The following LDLRAD3 variants were observed in gnomAD, a reference collection of about 807,000 sequenced individuals.
The protein encoded by LDLRAD3 is low density lipoprotein receptor class A domain containing 3.
LDLRAD3 carries 20 observed loss-of-function variants against 29.4 expected under a neutral mutation model. The observed-to-expected ratio is 0.68, with a 90% CI of 0.48 to 0.99. The LOEUF is 0.99. Among genes scored for constraint, LDLRAD3 ranks in the 50% least tolerant of loss-of-function variants. LDLRAD3 has a pLI of 0.00. For missense variants in LDLRAD3, 420 were observed against 454.3 expected (o/e 0.92, Z 0.69); for synonymous variants, 157 against 192.7 (o/e 0.81, Z 1.53).
At chr11:35,951,339 G>A (rs1308381469) in intron 1 of LDLRAD3, among the ~76,000 whole-genome samples, 2 of 152,044 alleles carry the variant, frequency 1.3e-5, no homozygotes, top group Non-Finnish European at 1.5e-5. Context: ...GTCTCTATTT[G>A]TAGTTTTTTG....
At chr11:36,111,047 G>T (rs915026320) in intron 4 of LDLRAD3, among the ~76,000 whole-genome samples, 2 of 152,162 alleles carry the variant, frequency 1.3e-5, no homozygotes, top group Non-Finnish European at 2.9e-5. Context: ...AGTGGGAGAC[G>T]TGAAACTGTT....
At chr11:35,969,940 C>T (rs182455404) in intron 1 of LDLRAD3, among the ~76,000 whole-genome samples, 6 of 152,230 alleles carry the variant, frequency 3.9e-5, no homozygotes, top group Admixed American at 1.3e-4. Flanking sequence ...ATGAGGATAC[C>T]GGCTTATTTG....
intron 4 of LDLRAD3, among the ~76,000 whole-genome samples, chr11:36,171,855 G>A: frequency 6.6e-6 from 1 of 152,024 alleles, no homozygotes; most frequent in East Asian, 1.9e-4. Flanking sequence ...CTAGTTCTTT[G>A]AAGAATTATG....
chr11:36,072,488 A>G (rs973470627), intron 2 of LDLRAD3, among the ~76,000 whole-genome samples: 1 of 152,178 alleles, frequency 6.6e-6, no homozygotes, highest in African/African-American at 2.4e-5. Context: ...AGCCTTCTAT[A>G]CAAGGCCTGG....
rs369177584 is a variant in LDLRAD3, at chr11:36,081,188, T to C, written c.194-465T>C. ...TTTGTTACCTCTTTTCTGCCCATCATCCCATTGGGTGATTGCTGGGTGGAT... is the reference window on the plus strand; with the variant it reads ...TTTGTTACCTCTTTTCTGCCCATCACCCCATTGGGTGATTGCTGGGTGGAT... On this transcript the variant is annotated intron_variant, in intron 2 of 5. Coordinates refer to ENST00000315571, the MANE Select transcript of LDLRAD3 (RefSeq NM_174902.4). Among the ~76,000 whole-genome samples the C allele has an allele frequency of 1.2e-4, 19 of 152,272 alleles. No homozygotes were observed. The South Asian group carries it at 3.7e-3, about 30-fold the overall frequency.
At chr11:36,228,656 T>G (rs898830256) in intron 5 of LDLRAD3, among the ~76,000 whole-genome samples, 1 of 152,248 alleles carries the variant, frequency 6.6e-6, no homozygotes, top group African/African-American at 2.4e-5. Flanking sequence ...ATAAAATGTC[T>G]TTTCTGTTAA....
chr11:36,024,210 A>T (rs550009688), intron 1 of LDLRAD3, among the ~76,000 whole-genome samples: 1 of 152,182 alleles, frequency 6.6e-6, no homozygotes, highest in African/African-American at 2.4e-5. Context: ...AAGGAGTAAC[A>T]TATACTAGTA....
intron 1 of LDLRAD3, among the ~76,000 whole-genome samples, chr11:35,959,020 C>T (rs1019505019): frequency 5.9e-5 from 9 of 152,162 alleles, no homozygotes; most frequent in African/African-American, 1.4e-4. Flanking sequence ...CCTTGCCACA[C>T]GGGTGAACTG....
intron 4 of LDLRAD3, among the ~76,000 whole-genome samples, chr11:36,185,831 A>G (rs922260587): frequency 3.3e-5 from 5 of 152,260 alleles, no homozygotes; most frequent in African/African-American, 9.6e-5. Flanking sequence ...ACCTCTGGCT[A>G]TAAAGCACTG....
chr11:35,998,545 A>G lies in LDLRAD3; in HGVS notation c.47-37558A>G, dbSNP rs371028179. On this transcript the variant is annotated intron_variant, in intron 1 of 5. Coordinates refer to ENST00000315571, the MANE Select transcript of LDLRAD3 (RefSeq NM_174902.4). Reference sequence around the variant, plus strand: ...AAACAAACAAACAATCAAACAACAAAACAAAAAACAGTCCTAGAATGAACC... The same window carrying G: ...AAACAAACAAACAATCAAACAACAAGACAAAAAACAGTCCTAGAATGAACC... Among the ~76,000 whole-genome samples, 9 of 152,312 alleles carry G rather than the reference A, an allele frequency of 5.9e-5. No homozygotes were observed. In the South Asian group the frequency reaches 1.9e-3, roughly 32 times the overall value.
In LDLRAD3 at chr11:36,034,619, G is replaced by A. The variant is rs146579392; in HGVS notation, c.47-1484G>A. 9.8e-5 allele frequency among the ~76,000 whole-genome samples: 15 copies of A among 152,312 alleles called. No individual in the cohort carries two copies. In the East Asian group the frequency reaches 1.7e-3, roughly 18 times the overall value. On this transcript the variant is annotated intron_variant, in intron 1 of 5. Coordinates refer to ENST00000315571, the MANE Select transcript of LDLRAD3 (RefSeq NM_174902.4). Reference sequence around the variant, plus strand: ...AAGGGAAATTCCATGCAACAAGGCCGGTGGGGTGTTGCTTGCCTGTGACGG... The same window carrying A: ...AAGGGAAATTCCATGCAACAAGGCCAGTGGGGTGTTGCTTGCCTGTGACGG...
intron 4 of LDLRAD3, among the ~76,000 whole-genome samples, chr11:36,147,087 C>A (rs982160730): frequency 2.1e-5 from 3 of 141,718 alleles, no homozygotes; most frequent in African/African-American, 7.8e-5. Flanking sequence ...CATGACTGGC[C>A]CCCATATTTA....
intron 1 of LDLRAD3, among the ~76,000 whole-genome samples, chr11:36,026,043 G>A (rs912707424): frequency 6.6e-6 from 1 of 151,966 alleles, no homozygotes; most frequent in Non-Finnish European, 1.5e-5. Context: ...GCCTCCCAAA[G>A]TGCTGGGATT....
intron 4 of LDLRAD3, among the ~76,000 whole-genome samples, chr11:36,181,297 C>T (rs892568610): frequency 1.8e-4 from 27 of 152,008 alleles, no homozygotes; most frequent in African/African-American, 6.5e-4. Flanking sequence ...CTCACTACCC[C>T]TGCTTATTGT....
intron 4 of LDLRAD3, among the ~76,000 whole-genome samples, chr11:36,188,644 G>A (rs1021197433): frequency 5.3e-5 from 8 of 152,130 alleles, no homozygotes; most frequent in Admixed American, 6.5e-5. Context: ...ACAGCCTAGC[G>A]ACTGCCCCTC....
chr11:36,066,643 CT>C (rs975520422), intron 2 of LDLRAD3, among the ~76,000 whole-genome samples: 1 of 151,912 alleles, frequency 6.6e-6, no homozygotes, highest in African/African-American at 2.4e-5. Context: ...GAAATTTTGC[CT>C]TTTTTTTCCT....
chr11:36,173,698 A>G (rs1306026353), intron 4 of LDLRAD3, among the ~76,000 whole-genome samples: 1 of 152,146 alleles, frequency 6.6e-6, no homozygotes, highest in East Asian at 1.9e-4. Context: ...TTGGGTATAT[A>G]CCCAGTAATG....
At chr11:36,118,470 C>T (rs906408043) in intron 4 of LDLRAD3, among the ~76,000 whole-genome samples, 22 of 150,952 alleles carry the variant, frequency 1.5e-4, no homozygotes, top group African/African-American at 5.3e-4. Flanking sequence ...CACATGTCTC[C>T]AAACAGAAGT....
chr11:36,193,852 C>G (rs920330581), intron 4 of LDLRAD3, among the ~76,000 whole-genome samples: 7 of 152,074 alleles, frequency 4.6e-5, no homozygotes, highest in Admixed American at 3.3e-4. Context: ...GGAGGTCTGA[C>G]AGATTTGGAT....
Sources: allele counts gnomAD v4.1 joint callset (sites outside exome capture counted in the v4.1 genomes callset), GRCh38; gene constraint gnomAD v4.1.1; transcripts MANE v1.5; gene names NCBI Gene and HGNC (gene_info 2026-07-23, HGNC 2026-07-21).